Variants in LOXHD1 observed in about 807,000 individuals in gnomAD.
The protein encoded by LOXHD1 is lipoxygenase homology domain-containing protein 1.
Under a neutral mutation model 248.2 loss-of-function variants are expected in LOXHD1, and 205 were observed. The ratio of observed to expected loss-of-function variants is 0.83; its 90% CI spans 0.74 to 0.93. The LOEUF (loss-of-function observed/expected upper bound fraction) is 0.93, where lower values mean the gene tolerates loss of function less well. Ranked by LOEUF, LOXHD1 falls within the 40% of genes least tolerant of loss-of-function variation. The pLI is 0.00. For missense variants in LOXHD1, 2,930 were observed against 2,971.6 expected, an observed-to-expected ratio of 0.99 and a Z score of 0.33; for synonymous variants, 1,113 against 1,162.8, an observed-to-expected ratio of 0.96 and a Z score of 0.87.
intron 25 of LOXHD1, 49 bp downstream of exon 25, chr18:46,541,727 G>T (rs923343111): frequency 2.6e-6 from 4 of 1,545,366 alleles, no homozygotes; most frequent in Non-Finnish European, 3.5e-6. Flanking sequence ...TGGGGTAGCT[G>T]GTGATGGGGC....
chr18:46,595,322 T>A (rs1188435385), intron 8 of LOXHD1, among the ~76,000 whole-genome samples: 1 of 152,166 alleles, frequency 6.6e-6, no homozygotes, highest in Non-Finnish European at 1.5e-5. Flanking sequence ...TAAGAGATGG[T>A]GGGAGGGGAG....
chr18:46,653,747 GC>G (rs1245885677), intron 1 of LOXHD1, among the ~76,000 whole-genome samples: 1 of 152,218 alleles, frequency 6.6e-6, no homozygotes, highest in African/African-American at 2.4e-5. Flanking sequence ...ACCATTATTG[GC>G]TATGTGATTT....
Position 46,479,236 on chromosome 18 carries a change from ATGTG to A in LOXHD1, c.6342-1288_6342-1285del, listed in dbSNP as rs10645069. ...GAACAAAGAGTTTGTATATATATGT[ATGTG>A]TGTGTGTGTGTGTGTGTGTGTGTGT... is the stretch of plus-strand genomic sequence containing the variant. On this transcript the variant is annotated intron_variant, in intron 40 of 40. Transcript: ENST00000642948. Among the ~76,000 whole-genome samples, 242 of 142,878 alleles carry A rather than the reference ATGTG, an allele frequency of 1.7e-3. 2 individuals carry two copies. The highest frequency in any genetic ancestry group is 5.3e-3 in the African/African-American group (201 of 37,892). 93.7% of individuals were successfully genotyped at this position (142,878 alleles called of 152,430 possible). A position where few individuals can be genotyped will look rare whatever the true frequency, so the allele number is the denominator to read the frequency against.
At chr18:46,541,013 G>GA (rs1598954664) in intron 25 of LOXHD1, among the ~76,000 whole-genome samples, 2 of 152,072 alleles carry the variant, frequency 1.3e-5, no homozygotes, top group East Asian at 3.8e-4. Flanking sequence ...TATTTAGTTA[G>GA]AAAAAATTAT....
rs142815732 is a variant in LOXHD1 at position 46,591,157 on chromosome 18, T to C, written c.1654+776A>G. Among the ~76,000 whole-genome samples, 240 of 152,302 alleles carry C rather than the reference T, an allele frequency of 1.6e-3. 2 individuals are homozygous for C. Among genetic ancestry groups the C allele is most frequent in the African/African-American group, 5.5e-3 (228 of 41,580 alleles). On this transcript the variant is annotated intron_variant, in intron 12 of 40. Transcript: ENST00000642948. ...AGGGCTACTGGAACTATGGGTGACA[T>C]TGTTTTTATATATTTTTACCTTTTT...
chr18:46,654,580 C>G (rs770446404), intron 1 of LOXHD1, among the ~76,000 whole-genome samples: 1 of 152,174 alleles, frequency 6.6e-6, no homozygotes, highest in Non-Finnish European at 1.5e-5. Flanking sequence ...TTGGGGAATC[C>G]CAGGGTAGCC....
intron 21 of LOXHD1, among the ~76,000 whole-genome samples, chr18:46,554,588 G>T (rs2037242829): frequency 6.6e-6 from 1 of 152,058 alleles, no homozygotes; most frequent in African/African-American, 2.4e-5. Context: ...CTGGCAGACT[G>T]CTACTTCAAT....
chr18:46,509,622 C>T (rs1598879346), intron 35 of LOXHD1, 76 bp downstream of exon 35: 1 of 1,059,258 alleles, frequency 9.4e-7, no homozygotes. Context: ...TTAACAAGGT[C>T]CATTGACAAG....
At chr18:46,592,976 C>T (rs328146) in intron 10 of LOXHD1, among the ~76,000 whole-genome samples, 121,082 of 152,128 alleles carry the variant, frequency 0.8, 48,687 homozygotes, top group Non-Finnish European at 0.86. Context: ...AAAAGATCAA[C>T]AAGCAGTCAT....
Position 46,657,054 on chromosome 18 carries a change from A to T in LOXHD1, c.-21T>A, listed in dbSNP as rs1486865236. The T allele has an allele frequency of 5.2e-6, 8 of 1,551,456 alleles. No homozygotes were observed. Among genetic ancestry groups the T allele is most frequent in the Non-Finnish European group, 7.0e-6 (8 of 1,146,850 alleles). ...ATCATTCTGTCGGCTGCCTTCTCCC[A>T]GCGCTCGCAGGCTCACTGTGCCGCC... On this transcript the variant is annotated 5_prime_UTR_variant, in exon 1 of 41. Transcript: ENST00000642948.
At chr18:46,598,021 C>T (rs1241067940) in intron 8 of LOXHD1, among the ~76,000 whole-genome samples, 1 of 151,962 alleles carries the variant, frequency 6.6e-6, no homozygotes, top group East Asian at 1.9e-4. Context: ...CCCGCCTCGG[C>T]CTCCAAAAGT....
intron 27 of LOXHD1, 56 bp downstream of exon 27, chr18:46,534,279 A>C: frequency 1.5e-6 from 2 of 1,330,268 alleles, no homozygotes; most frequent in South Asian, 2.5e-5. Flanking sequence ...ATTTGCCTTG[A>C]ACCTGCTCTG....
intron 21 of LOXHD1, among the ~76,000 whole-genome samples, chr18:46,556,316 G>A (rs887461106): frequency 1.1e-4 from 16 of 152,176 alleles, no homozygotes; most frequent in Middle Eastern, 3.4e-3. Flanking sequence ...TGCTTTATAC[G>A]TTGAGAGGCT....
At position 46,519,117 on chromosome 18, in the gene LOXHD1, T is replaced by C. The variant is rs114748821; in HGVS notation, c.5272-861A>G. The C allele has an allele frequency of 9.6e-5, 94 of 982,234 alleles. No homozygotes were observed. In the African/African-American group the frequency reaches 1.6e-3, roughly 17 times the overall value. The allele number at this position is 982,234 out of a possible 1,614,324, so 60.8% of individuals were successfully genotyped here. A position where few individuals can be genotyped will look rare whatever the true frequency, so the allele number is the denominator to read the frequency against. ...TGGCAAGAGAAAGCACTTACACTGATGTTCTAGAATGTTCTTTGGTCCCAG... is the reference window on the plus strand; with the variant it reads ...TGGCAAGAGAAAGCACTTACACTGACGTTCTAGAATGTTCTTTGGTCCCAG... On this transcript the variant is annotated intron_variant, in intron 33 of 40. Transcript: ENST00000642948.
In LOXHD1 at chr18:46,541,956, A is replaced by T; in HGVS notation, c.3749-16T>A. ...GGGGCCTTGCCTAGAGAGAGAGGAG[A>T]CACAAAACCCATCAAGGACCTGAGC... On this transcript the variant is annotated splice_polypyrimidine_tract_variant and intron_variant, in intron 24 of 40. Transcript: ENST00000642948. The T allele has an allele frequency of 6.5e-7, 1 of 1,546,156 alleles. No individual in the cohort carries two copies. The highest frequency in any genetic ancestry group is 8.7e-7 in the Non-Finnish European group (1 of 1,143,738).
chr18:46,509,426 C>T (rs911536062), intron 35 of LOXHD1: 3 of 456,060 alleles, frequency 6.6e-6, no homozygotes, highest in Admixed American at 3.4e-5. Flanking sequence ...CCACACCACC[C>T]CTCCCCTTTC....
intron 7 of LOXHD1, 45 bp from the exon 8 acceptor site, chr18:46,601,512 A>T (rs776370162): frequency 6.4e-7 from 1 of 1,551,368 alleles, no homozygotes; most frequent in Non-Finnish European, 8.7e-7. Flanking sequence ...TGTGAGCTGC[A>T]TCATAATATC....
At chr18:46,631,931 C>T (rs1465836579) in intron 4 of LOXHD1, among the ~76,000 whole-genome samples, 1 of 152,210 alleles carries the variant, frequency 6.6e-6, no homozygotes, top group Non-Finnish European at 1.5e-5. Flanking sequence ...TTGAAACCTC[C>T]TCAGGGTTGA....
rs972599786 is a variant in LOXHD1, at chr18:46,544,781, C to A, written c.3619+536G>T. On this transcript the variant is annotated intron_variant, in intron 23 of 40. Transcript: ENST00000642948. Reference sequence around the variant, plus strand: ...CACATTGTTGTAGTAGATATGAGCACCCCATGGTCAAGGGTTAGGTCCATT... The same window carrying A: ...CACATTGTTGTAGTAGATATGAGCAACCCATGGTCAAGGGTTAGGTCCATT... 41 of 470,880 alleles carry A rather than the reference C, an allele frequency of 8.7e-5. 1 individual carries two copies. In the Admixed American group the frequency reaches 9.6e-4, roughly 11 times the overall value. The allele number at this position is 470,880 out of a possible 1,614,324, so 29.2% of individuals were successfully genotyped here.
Sources: gnomAD v4.1 joint callset for allele counts (sites outside exome capture counted in the v4.1 genomes callset) on GRCh38, gnomAD v4.1.1 for gene constraint, MANE v1.5 for transcripts, NCBI Gene and HGNC (gene_info 2026-07-23, HGNC 2026-07-21) for gene names.